The following ARAP2 variants were observed in gnomAD, a reference collection of about 807,000 sequenced individuals.
The protein encoded by ARAP2 is arf-GAP with Rho-GAP domain, ANK repeat and PH domain-containing protein 2.
Under a neutral mutation model 194.5 loss-of-function variants are expected in ARAP2, and 148 were observed. The ratio of observed to expected loss-of-function variants is 0.76; its 90% CI spans 0.67 to 0.87. ARAP2 has a LOEUF of 0.87. ARAP2 is among the 40% of genes least tolerant of loss of function. The pLI, the probability that ARAP2 is intolerant of heterozygous loss-of-function variation, is 0.00. For missense variants in ARAP2, 2,128 were observed against 1,989.7 expected, an observed-to-expected ratio of 1.07 and a Z score of -1.32; for synonymous variants, 695 against 683.5, an observed-to-expected ratio of 1.02 and a Z score of -0.26.
chr4:36,118,399 T>A (rs1279106727), intron 24 of ARAP2, among the ~76,000 whole-genome samples: 3 of 149,854 alleles, frequency 2.0e-5, no homozygotes, highest in African/African-American at 7.3e-5. Context: ...AGACTGAATG[T>A]CAGAAAAAAA....
At chr4:36,133,146 C>T in intron 20 of ARAP2, 80 bp downstream of exon 20, 1 of 1,433,210 alleles carries the variant, frequency 7.0e-7, no homozygotes, top group South Asian at 1.3e-5. Context: ...TTAACTCAGT[C>T]CAATAGAGGT....
chr4:36,135,126 T>G lies in ARAP2; in HGVS notation c.3264-1737A>C, dbSNP rs73809116. The stretch of plus-strand genomic sequence containing the variant: ...AACATAAACTAATTGTTGATGTATT[T>G]TAAGTCTATTTACACCAAAGTAAAA... On this transcript the variant is annotated intron_variant, in intron 19 of 32. Transcript: ENST00000303965. Among the ~76,000 whole-genome samples, 804 of 151,850 alleles carry G rather than the reference T, an allele frequency of 5.3e-3. 11 individuals are homozygous for G. The highest frequency in any genetic ancestry group is 0.018 in the African/African-American group (758 of 41,476).
chr4:36,107,040 T>C (rs1718602709), intron 27 of ARAP2, among the ~76,000 whole-genome samples: 1 of 152,008 alleles, frequency 6.6e-6, no homozygotes, highest in South Asian at 2.1e-4. Context: ...CTGTGCTAGC[T>C]AACTTACTTA....
At chr4:36,203,204 T>C (rs1441150600) in intron 6 of ARAP2, among the ~76,000 whole-genome samples, 1 of 152,174 alleles carries the variant, frequency 6.6e-6, no homozygotes, top group East Asian at 1.9e-4. Context: ...GACTCAGGCA[T>C]GGCTATATTA....
intron 30 of ARAP2, among the ~76,000 whole-genome samples, chr4:36,081,639 G>A (rs1729575905): frequency 6.6e-6 from 1 of 152,054 alleles, no homozygotes; most frequent in South Asian, 2.1e-4. Flanking sequence ...GGTGGAGAAT[G>A]TACGACAAAA....
chr4:36,137,367 CTT>C (rs1727097035), intron 19 of ARAP2, among the ~76,000 whole-genome samples: 1 of 151,788 alleles, frequency 6.6e-6, no homozygotes, highest in African/African-American at 2.4e-5. Context: ...ATATTATAAA[CTT>C]AGTACAATGA....
intron 19 of ARAP2, among the ~76,000 whole-genome samples, chr4:36,136,930 GCGCA>G (rs1468201154): frequency 9.3e-4 from 26 of 27,966 alleles, no homozygotes; most frequent in South Asian, 5.9e-3. Context: ...ACACGCGCGC[GCGCA>G]CACACACACA....
downstream of ARAP2, among the ~76,000 whole-genome samples, chr4:36,062,232 C>A (rs1047748570): frequency 1.3e-5 from 2 of 152,138 alleles, no homozygotes; most frequent in Non-Finnish European, 2.9e-5. Context: ...AGCCCGTTGT[C>A]CTAAAAAGTT....
chr4:36,236,392 G>GA (rs1480851728), intron 1 of ARAP2, among the ~76,000 whole-genome samples: 1 of 151,972 alleles, frequency 6.6e-6, no homozygotes, highest in Non-Finnish European at 1.5e-5. Context: ...ACAAATTCTA[G>GA]AATCACCTTT....
chr4:36,096,156 G>A (rs1360144985), intron 27 of ARAP2, among the ~76,000 whole-genome samples: 3 of 151,952 alleles, frequency 2.0e-5, no homozygotes, highest in Non-Finnish European at 4.4e-5. Flanking sequence ...CTGAGGTCAA[G>A]AGCTTGAGAC....
chr4:36,097,098 T>A (rs1032998708), intron 27 of ARAP2, among the ~76,000 whole-genome samples: 1 of 152,100 alleles, frequency 6.6e-6, no homozygotes, highest in Non-Finnish European at 1.5e-5. Context: ...ATTAAACAAC[T>A]CATAGTCATA....
intron 6 of ARAP2, among the ~76,000 whole-genome samples, chr4:36,017,564 T>TAAAAAAAAAAAAAAAAAAAAAAAAAAAA (rs71199694): frequency 4.7e-5 from 2 of 42,578 alleles, no homozygotes; most frequent in African/African-American, 1.2e-4. Context: ...AAGAAAGTGG[T>TAAAAAAAAAAAAAAAAAAAAAAAAAAAA]AAAAAAAAAA....
At chr4:36,190,111 T>C (rs747544717) in intron 7 of ARAP2, among the ~76,000 whole-genome samples, 3 of 152,236 alleles carry the variant, frequency 2.0e-5, no homozygotes, top group Non-Finnish European at 2.9e-5. Context: ...ATACACTGTT[T>C]GCTCTGCAAC....
At chr4:36,130,852 GA>G in intron 20 of ARAP2, among the ~76,000 whole-genome samples, 1 of 152,050 alleles carries the variant, frequency 6.6e-6, no homozygotes, top group Admixed American at 6.6e-5. Context: ...CTAAGCGTTT[GA>G]GATAGTATAT....
chr4:36,043,290 T>A (rs771008111), intron 5 of ARAP2, among the ~76,000 whole-genome samples: 8 of 152,218 alleles, frequency 5.3e-5, no homozygotes, highest in Non-Finnish European at 8.8e-5. Flanking sequence ...GTAAGTTTGA[T>A]CAGCTAATTT....
intron 5 of ARAP2, among the ~76,000 whole-genome samples, chr4:36,043,319 T>C (rs1452911197): frequency 6.6e-6 from 1 of 152,194 alleles, no homozygotes; most frequent in African/African-American, 2.4e-5. Flanking sequence ...ATGAAAAAAC[T>C]GAAGAAAAAC....
chr4:36,148,640 C>A (rs1284405703), intron 16 of ARAP2, 133 bp from the exon 17 acceptor site: 1 of 662,056 alleles, frequency 1.5e-6, no homozygotes, highest in African/African-American at 1.8e-5. Flanking sequence ...CTATTAGATT[C>A]TGTTAATGGT....
intron 2 of ARAP2, among the ~76,000 whole-genome samples, chr4:36,054,234 C>A (rs1723132708): frequency 6.6e-6 from 1 of 152,176 alleles, no homozygotes; most frequent in Non-Finnish European, 1.5e-5. Flanking sequence ...GTAAGGTTAA[C>A]TAACCTTTTT....
intron 2 of ARAP2, among the ~76,000 whole-genome samples, chr4:36,223,545 T>C (rs1578334787): frequency 6.6e-6 from 1 of 152,290 alleles, no homozygotes; most frequent in East Asian, 1.9e-4. Context: ...AGAAAAACTA[T>C]TGTTGTGAAT....
Sources: gnomAD v4.1 joint callset for allele counts (sites outside exome capture counted in the v4.1 genomes callset) on GRCh38, gnomAD v4.1.1 for gene constraint, MANE v1.5 for transcripts, NCBI Gene and HGNC (gene_info 2026-07-23, HGNC 2026-07-21) for gene names.